USPL1: variants seen among roughly 807,000 people sequenced by gnomAD.
The protein encoded by USPL1 is SUMO-specific isopeptidase USPL1.
Under a neutral mutation model 51.5 loss-of-function variants are expected in USPL1, and 27 were observed. The ratio of observed to expected loss-of-function variants is 0.52; its 90% CI spans 0.39 to 0.72. The LOEUF is 0.72. Ranked by LOEUF, USPL1 falls within the 30% of genes least tolerant of loss-of-function variation. The pLI, the probability that USPL1 is intolerant of heterozygous loss-of-function variation, is 0.00. For missense variants in USPL1, 1,226 were observed against 1,268.0 expected, an observed-to-expected ratio of 0.97 and a Z score of 0.50; for synonymous variants, 451 against 459.6, an observed-to-expected ratio of 0.98 and a Z score of 0.24.
At chr13:30,654,355 C>T (rs1951131701) in intron 8 of USPL1, among the ~76,000 whole-genome samples, 1 of 151,954 alleles carries the variant, frequency 6.6e-6, no homozygotes, top group Admixed American at 6.6e-5. Context: ...TTCTCTCTCT[C>T]TCTCTCTTTC....
chr13:30,644,033 C>G (rs1479322663), intron 6 of USPL1, among the ~76,000 whole-genome samples: 1 of 151,812 alleles, frequency 6.6e-6, no homozygotes, highest in Non-Finnish European at 1.5e-5. Flanking sequence ...ATCTGTAATC[C>G]CAGCACTTTG....
Position 30,631,045 on chromosome 13 carries a change from G to A in USPL1, c.439G>A (p.Asp147Asn). 1 of 1,614,088 alleles carries A rather than the reference G, an allele frequency of 6.2e-7. No individual in the cohort carries two copies. The highest frequency in any genetic ancestry group is 1.6e-4 in the Middle Eastern group (1 of 6,062). Residue 147 changes from aspartate (D) to asparagine (N), a missense_variant, in exon 4 of 9, where the codon GAC becomes AAC. By Grantham distance (23) the Asp-to-Asn change is conservative. Coordinates refer to ENST00000255304, the MANE Select transcript of USPL1 (RefSeq NM_005800.5). ...LNSKHNGEVY[D>N]ETSSNLPDSS... is the part of the protein sequence containing the mutation. ...CAGCAAACATAATGGAGAAGTATAT[G>A]ACGAAACCTCGTCAAACTTACCTGA...
chr13:30,656,653 C>G (rs1316746057), intron 8 of USPL1, among the ~76,000 whole-genome samples: 1 of 152,022 alleles, frequency 6.6e-6, no homozygotes, highest in Non-Finnish European at 1.5e-5. Flanking sequence ...ACTGAAAGTC[C>G]CTGCTTTTCA....
intron 3 of USPL1, 43 bp from the exon 4 acceptor site, chr13:30,630,792 T>C: frequency 6.6e-7 from 1 of 1,515,800 alleles, no homozygotes; most frequent in Non-Finnish European, 8.9e-7. Context: ...CATGAAGTTA[T>C]TTGAATTTGT....
chr13:30,642,570 T>C (rs1260062729), intron 5 of USPL1, 58 bp from the exon 6 acceptor site: 3 of 1,576,128 alleles, frequency 1.9e-6, no homozygotes, highest in Non-Finnish European at 2.6e-6. Flanking sequence ...TTCACAATTT[T>C]GGTTTAGTTT....
intron 6 of USPL1, among the ~76,000 whole-genome samples, chr13:30,642,993 T>A (rs536800584): frequency 6.6e-6 from 1 of 152,328 alleles, no homozygotes; most frequent in South Asian, 2.1e-4. Context: ...CTGAGTAGAA[T>A]ACCTCTCAGA....
Position 30,621,900 on chromosome 13 carries a change from A to G in USPL1, c.228+8A>G. 6.6e-7 allele frequency: 1 copy of G among 1,518,216 alleles called. No homozygotes were observed. The highest frequency in any genetic ancestry group is 8.8e-7 in the Non-Finnish European group (1 of 1,134,456). 94.0% of individuals were successfully genotyped at this position (1,518,216 alleles called of 1,614,324 possible). A position where few individuals can be genotyped will look rare whatever the true frequency, so the allele number is the denominator to read the frequency against. ...TTGTGTGAGGATCTGCAGGTAAAGTATTAATCTTATATAGTATATATAAGA... is the reference window on the plus strand; with the variant it reads ...TTGTGTGAGGATCTGCAGGTAAAGTGTTAATCTTATATAGTATATATAAGA... On this transcript the variant is annotated splice_region_variant and intron_variant, in intron 3 of 8. Coordinates refer to ENST00000255304, the MANE Select transcript of USPL1 (RefSeq NM_005800.5).
chr13:30,621,037 T>G (rs1248397700), intron 1 of USPL1, 36 bp from the exon 2 acceptor site: 16 of 909,646 alleles, frequency 1.8e-5, no homozygotes, highest in Non-Finnish European at 2.3e-5. Context: ...GTAAATAGAA[T>G]TTTTATTTAA....
rs1951203846 is a variant in USPL1 at position 30,658,536 on chromosome 13, G to A, written c.2459G>A (p.Ser820Asn). ...HVSKKARKSA[S>N]KPPPISKPPA... ...TCCAAGAAAGCTCGTAAGAGTGCAA[G>A]TAAGCCTCCTCCCATCAGTAAGCCA... is the stretch of plus-strand genomic sequence containing the variant. The change falls in exon 9 of 9, where the codon AGT (serine) becomes AAT (asparagine). Residue 820 changes from serine to asparagine, a missense_variant. Transcript: ENST00000255304. 6.2e-7 allele frequency: 1 copy of A among 1,614,102 alleles called. No homozygotes were observed. Among genetic ancestry groups the A allele is most frequent in the East Asian group, 2.2e-5 (1 of 44,878 alleles).
At chr13:30,623,154 A>G (rs1357578113) in intron 3 of USPL1, among the ~76,000 whole-genome samples, 2 of 152,086 alleles carry the variant, frequency 1.3e-5, no homozygotes, top group African/African-American at 4.8e-5. Context: ...TGAAAAGTGC[A>G]ATTCGAGCAA....
rs745906359 is a variant in USPL1, at chr13:30,658,958, T to G, written c.2881T>G (p.Ser961Ala). 8 of 1,614,218 alleles carry G rather than the reference T, an allele frequency of 5.0e-6. No individual in the cohort carries two copies. The highest frequency in any genetic ancestry group is 1.1e-5 in the South Asian group (1 of 91,084). The change falls in exon 9 of 9, where the codon TCC (serine) becomes GCC (alanine). Residue 961 changes from serine to alanine, a missense_variant. Coordinates refer to ENST00000255304, the MANE Select transcript of USPL1 (RefSeq NM_005800.5). ...ESACTTVPGV[S>A]LYSSQTHEEI... is the part of the protein sequence containing the mutation. ...TGCATGCACCACTGTTCCTGGTGTTTCCCTGTACAGTAGTCAAACTCATGA... is the reference window on the plus strand; with the variant it reads ...TGCATGCACCACTGTTCCTGGTGTTGCCCTGTACAGTAGTCAAACTCATGA...
rs1202047030 is a variant in USPL1 at position 30,658,420 on chromosome 13, C to CA, written c.2344dup (p.Thr782AsnfsTer4). On this transcript the variant is annotated frameshift_variant, in exon 9 of 9. Transcript: ENST00000255304. LOFTEE classifies it low-confidence loss of function (END_TRUNC). ...TCTGTGTTTCAGCTCATAATAGAAA[C>CA]ACTATAACTGATTTACAACCTTCAG... 8 of 1,613,610 alleles carry CA rather than the reference C, an allele frequency of 5.0e-6. No individual in the cohort carries two copies. The highest frequency in any genetic ancestry group is 5.9e-6 in the Non-Finnish European group (7 of 1,180,040).
intron 5 of USPL1, 134 bp from the exon 6 acceptor site, chr13:30,642,494 T>G: frequency 9.9e-7 from 1 of 1,009,260 alleles, no homozygotes; most frequent in East Asian, 2.7e-5. Context: ...CAACTCTGAG[T>G]GACTTATTGT....
intron 5 of USPL1, among the ~76,000 whole-genome samples, chr13:30,638,620 C>A (rs1365662600): frequency 6.6e-6 from 1 of 151,694 alleles, no homozygotes; most frequent in East Asian, 1.9e-4. Context: ...TTTGAAAGGG[C>A]TTTTTGTTTT....
chr13:30,653,128 C>T lies in USPL1; in HGVS notation c.1239-20C>T. 1 of 1,553,078 alleles carries T rather than the reference C, an allele frequency of 6.4e-7. No homozygotes were observed. The highest frequency in any genetic ancestry group is 1.9e-5 in the Admixed American group (1 of 52,984). On this transcript the variant is annotated intron_variant, in intron 7 of 8. Coordinates refer to ENST00000255304, the MANE Select transcript of USPL1 (RefSeq NM_005800.5). ...ATGGCATTAAATTTATTTAACTTCT[C>T]TTGCTTTTCTCTCCCACAGAGTATC...
At chr13:30,646,555 T>C (rs544388268) in intron 6 of USPL1, among the ~76,000 whole-genome samples, 2 of 152,372 alleles carry the variant, frequency 1.3e-5, no homozygotes, top group African/African-American at 4.8e-5. Context: ...TTGGGACATT[T>C]GGCAACATCT....
intron 3 of USPL1, among the ~76,000 whole-genome samples, chr13:30,628,508 A>G (rs988350595): frequency 6.6e-6 from 1 of 152,082 alleles, no homozygotes; most frequent in Non-Finnish European, 1.5e-5. Context: ...CATCTACGTT[A>G]GGTATTTCTC....
rs373631100 is a variant in USPL1 at position 30,658,006 on chromosome 13, G to A, written c.1929G>A (p.Lys643=). 1 of 1,613,370 alleles carries A rather than the reference G, an allele frequency of 6.2e-7. No homozygotes were observed. The highest frequency in any genetic ancestry group is 1.1e-5 in the South Asian group (1 of 90,986). Residue 643 remains lysine (K), a synonymous_variant, in exon 9 of 9, where the codon AAG becomes AAA. Transcript: ENST00000255304. The stretch of plus-strand genomic sequence containing the variant: ...CAGTATCAGCTCCATGTAATGAAAA[G>A]CTTATTCAAGACCAATTTGTGGACA... The part of the protein sequence containing the change: ...ASSVSAPCNE[K]LIQDQFVDIS...
rs548131091 is a variant in USPL1, at chr13:30,654,694, C to T, written c.1396+1389C>T. On this transcript the variant is annotated intron_variant, in intron 8 of 8. Coordinates refer to ENST00000255304, the MANE Select transcript of USPL1 (RefSeq NM_005800.5). ...CCACATAAACCACATGCTTAGTGAA[C>T]GGTTTTGTTTTGTGTGTATGTGAGG... is the stretch of plus-strand genomic sequence containing the variant. 5.3e-5 allele frequency among the ~76,000 whole-genome samples: 8 copies of T among 151,956 alleles called. No homozygotes were observed. In the South Asian group the frequency reaches 1.0e-3, roughly 20 times the overall value.
Sources: allele counts gnomAD v4.1 joint callset (sites outside exome capture counted in the v4.1 genomes callset), GRCh38; gene constraint gnomAD v4.1.1; transcripts MANE v1.5; gene names NCBI Gene and HGNC (gene_info 2026-07-23, HGNC 2026-07-21).